Variants in DPP6 observed in about 807,000 individuals in gnomAD.
DPP6 encodes dipeptidyl peptidase like 6.
A neutral mutation model predicts 122.6 loss-of-function variants in DPP6; 69 were observed. The ratio of observed to expected loss-of-function variants is 0.56; its 90% CI spans 0.46 to 0.69. The LOEUF (loss-of-function observed/expected upper bound fraction) is 0.69. Ranked by LOEUF, DPP6 falls within the 30% of genes least tolerant of loss-of-function variation. The pLI is 0.00. For missense variants in DPP6, 928 were observed against 1,116.9 expected (o/e 0.83, Z 2.41); for synonymous variants, 418 against 433.1 (o/e 0.97, Z 0.43).
At chr7:154,425,245 TG>T (rs1307818327) in intron 1 of DPP6, among the ~76,000 whole-genome samples, 2 of 152,162 alleles carry the variant, frequency 1.3e-5, no homozygotes. Context: ...TTCCAGAAAC[TG>T]ATTCTAAACT....
the DPP6 span, among the ~76,000 whole-genome samples, chr7:153,860,589 A>G: frequency 1.3e-5 from 2 of 151,904 alleles, no homozygotes; most frequent in Admixed American, 6.6e-5. Flanking sequence ...ATGCCTTCCC[A>G]ATGACAAGCC....
At chr7:154,805,998 G>A (rs892295458) in intron 15 of DPP6, among the ~76,000 whole-genome samples, 1 of 152,246 alleles carries the variant, frequency 6.6e-6, no homozygotes, top group African/African-American at 2.4e-5. Flanking sequence ...GGGACATTGG[G>A]AAGCCCCCCT....
At chr7:154,255,078 A>G (rs189820463) in intron 1 of DPP6, among the ~76,000 whole-genome samples, 45 of 152,276 alleles carry the variant, frequency 3.0e-4, no homozygotes, top group African/African-American at 1.1e-3. Flanking sequence ...ACAATTCTGG[A>G]TGATGTTAAC....
At chr7:154,637,176 G>T (rs556886554) in intron 5 of DPP6, among the ~76,000 whole-genome samples, 1 of 152,086 alleles carries the variant, frequency 6.6e-6, no homozygotes. Context: ...TAAGAAAGGC[G>T]TCCGAGATTT....
the DPP6 span, among the ~76,000 whole-genome samples, chr7:153,779,085 C>T: frequency 1.4e-5 from 2 of 147,438 alleles, no homozygotes; most frequent in Non-Finnish European, 2.9e-5. Context: ...AATCAAAAAG[C>T]TATGAACTCT....
chr7:154,553,065 C>T (rs1314614332), intron 4 of DPP6, among the ~76,000 whole-genome samples: 1 of 152,178 alleles, frequency 6.6e-6, no homozygotes, highest in Non-Finnish European at 1.5e-5. Flanking sequence ...AATTTAAAGC[C>T]ACCGTGCTTT....
In DPP6 at chr7:154,298,593, G is replaced by A. The variant is rs1041252998; in HGVS notation, c.244-147621G>A. On this transcript the variant is annotated intron_variant, in intron 1 of 25. Transcript: ENST00000377770. ...CTTCTAGTTCAAGAGATGTACCCGT[G>A]TTCTTTTAACCAAAGAAAAAATCAT... 6.6e-5 allele frequency among the ~76,000 whole-genome samples: 10 copies of A among 152,312 alleles called. No homozygotes were observed. In the East Asian group the frequency reaches 1.9e-3, roughly 29 times the overall value.
intron 1 of DPP6, among the ~76,000 whole-genome samples, chr7:153,888,234 C>T (rs568576914): frequency 1.4e-3 from 212 of 152,326 alleles, no homozygotes; most frequent in African/African-American, 4.8e-3. Flanking sequence ...TCGCTCCGCT[C>T]CGTTCCAGAC....
At chr7:153,875,698 GT>G in the DPP6 span, among the ~76,000 whole-genome samples, 2 of 151,810 alleles carry the variant, frequency 1.3e-5, no homozygotes, top group Non-Finnish European at 2.9e-5. Flanking sequence ...AATAATAATT[GT>G]TTAATAACAG....
At chr7:154,425,626 GTGTGTGTGTGTGT>G (rs1817845475) in intron 1 of DPP6, among the ~76,000 whole-genome samples, 8 of 141,560 alleles carry the variant, frequency 5.7e-5, no homozygotes, top group African/African-American at 2.0e-4. Flanking sequence ...GTGTGGGTGT[GTGTGTGTGTGTGT>G]GTGTGTGTGT....
intron 1 of DPP6, among the ~76,000 whole-genome samples, chr7:154,060,767 C>G (rs1405041422): frequency 7.1e-6 from 1 of 141,278 alleles, no homozygotes; most frequent in Admixed American, 6.9e-5. Flanking sequence ...TCCCTCTTCC[C>G]CCCCTGGCTC....
the DPP6 span, among the ~76,000 whole-genome samples, chr7:153,833,619 T>TGAAATTGGAGTGTCACTGCAC: frequency 6.6e-6 from 1 of 151,114 alleles, no homozygotes; most frequent in Non-Finnish European, 1.5e-5. Context: ...TGCAGTGAGC[T>TGAAATTGGAGTGTCACTGCAC]GAAATTGGAG....
At chr7:154,860,227 G>A (rs529585897) in intron 17 of DPP6, among the ~76,000 whole-genome samples, 1 of 152,196 alleles carries the variant, frequency 6.6e-6, no homozygotes, top group Non-Finnish European at 1.5e-5. Context: ...CTCCTAGACT[G>A]TCAAGGCTGT....
intron 7 of DPP6, among the ~76,000 whole-genome samples, chr7:154,671,688 A>G (rs1838565927): frequency 6.6e-6 from 1 of 152,166 alleles, no homozygotes; most frequent in Non-Finnish European, 1.5e-5. Context: ...TTAAGTCTAT[A>G]ATTGTCCTCT....
intron 1 of DPP6, among the ~76,000 whole-genome samples, chr7:154,358,850 C>G (rs1563540639): frequency 6.6e-6 from 1 of 152,138 alleles, no homozygotes; most frequent in Non-Finnish European, 1.5e-5. Context: ...GGATTACAGG[C>G]AGCCACCACC....
chr7:154,660,929 C>G (rs1837624998), intron 6 of DPP6, among the ~76,000 whole-genome samples: 1 of 110,820 alleles, frequency 9.0e-6, no homozygotes, highest in Non-Finnish European at 1.7e-5. Context: ...GGCGTATTGG[C>G]CGTAGTATTC....
chr7:154,544,211 A>C (rs112965588), intron 4 of DPP6, among the ~76,000 whole-genome samples: 4,210 of 150,468 alleles, frequency 0.028, 89 homozygotes, highest in East Asian at 0.084. Context: ...AGCATATCAT[A>C]TTTGATGGTA....
rs545112445 is a variant in DPP6 at position 154,379,072 on chromosome 7, A to T, written c.244-67142A>T. 3.9e-5 allele frequency among the ~76,000 whole-genome samples: 6 copies of T among 152,270 alleles called. No individual in the cohort carries two copies. In the South Asian group the frequency reaches 1.2e-3, roughly 32 times the overall value. ...CTCTCAAAGGCTCCACCTCCTACTAACATCACATTGGGTGTTATGATTTAA... is the reference window on the plus strand; with the variant it reads ...CTCTCAAAGGCTCCACCTCCTACTATCATCACATTGGGTGTTATGATTTAA... On this transcript the variant is annotated intron_variant, in intron 1 of 25. Transcript: ENST00000377770.
intron 1 of DPP6, among the ~76,000 whole-genome samples, chr7:154,334,634 C>A (rs541807606): frequency 6.6e-6 from 1 of 152,194 alleles, no homozygotes; most frequent in Non-Finnish European, 1.5e-5. Context: ...CAGTGGCTCA[C>A]GCCTGTAATC....
Sources: gnomAD v4.1 joint callset for allele counts (sites outside exome capture counted in the v4.1 genomes callset) on GRCh38, gnomAD v4.1.1 for gene constraint, MANE v1.5 for transcripts, NCBI Gene and HGNC (gene_info 2026-07-23, HGNC 2026-07-21) for gene names.